The following FBXO38 variants were observed in gnomAD, a reference collection of about 807,000 sequenced individuals.
FBXO38 encodes the protein F-box protein 38.
A neutral mutation model predicts 131.9 loss-of-function variants in FBXO38; 53 were observed. The observed-to-expected ratio is 0.40, with a 90% CI of 0.32 to 0.51. FBXO38 has a LOEUF of 0.51. Among genes scored for constraint, FBXO38 ranks in the 20% least tolerant of loss-of-function variants. The pLI, the probability that FBXO38 is intolerant of heterozygous loss-of-function variation, is 0.53. For synonymous variants in FBXO38, 452 were observed against 505.6 expected (o/e 0.89, Z 1.42); for missense variants, 1,076 against 1,475.6 (o/e 0.73, Z 4.44).
chr5:148,414,447 A>G, intron 10 of FBXO38, 141 bp downstream of exon 10: 2 of 746,630 alleles, frequency 2.7e-6, no homozygotes, highest in South Asian at 4.3e-5. Flanking sequence ...AGTTCTGGTA[A>G]CCTTTGATAA....
intron 7 of FBXO38, among the ~76,000 whole-genome samples, chr5:148,406,657 A>G (rs1393073719): frequency 2.0e-5 from 3 of 152,112 alleles, no homozygotes; most frequent in African/African-American, 7.2e-5. Context: ...GTAGCTAATA[A>G]TACCTCCTCT....
At chr5:148,414,603 G>T (rs1458340537) in intron 10 of FBXO38, among the ~76,000 whole-genome samples, 1 of 152,056 alleles carries the variant, frequency 6.6e-6, no homozygotes, top group African/African-American at 2.4e-5. Context: ...TTAGTTCATT[G>T]TTACCTAGGA....
At chr5:148,405,403 C>A (rs1169671344) in intron 6 of FBXO38, among the ~76,000 whole-genome samples, 2 of 151,970 alleles carry the variant, frequency 1.3e-5, no homozygotes, top group African/African-American at 4.8e-5. Context: ...TTTCCTCTTC[C>A]AATGTGGCCC....
rs1396830356 is a variant in FBXO38, at chr5:148,427,833, A to G, written c.2539A>G (p.Arg847Gly). The change falls in exon 15 of 22, where the codon AGG becomes GGG. Residue 847 changes from arginine to glycine, a missense_variant. Transcript: ENST00000340253. Reference sequence around the variant, plus strand: ...CTCTGGGGCTACAGGTGAGGACAGGAGGGGGAGCTCCCAGCCTGAGAGTTG... The same window carrying G: ...CTCTGGGGCTACAGGTGAGGACAGGGGGGGGAGCTCCCAGCCTGAGAGTTG... ...SGSGATGEDR[R>G]GSSQPESCDV... 6.2e-7 allele frequency: 1 copy of G among 1,603,464 alleles called. No homozygotes were observed.
At chr5:148,420,190 A>C (rs1297497050) in intron 12 of FBXO38, among the ~76,000 whole-genome samples, 1 of 150,216 alleles carries the variant, frequency 6.7e-6, no homozygotes, top group Admixed American at 6.7e-5. Context: ...TGGCATGATC[A>C]TAGCTCACTG....
Position 148,433,405 on chromosome 5 carries a change from T to TC in FBXO38, c.2654-19_2654-18insC, listed in dbSNP as rs1348325085. On this transcript the variant is annotated intron_variant, in intron 15 of 21. Transcript: ENST00000340253. ...AGCAAGGCTAAAATTTGGATTTTCTTTTTTTTTGCCTTTTTTAGAAGTAGC... is the reference window on the plus strand; with the variant it reads ...AGCAAGGCTAAAATTTGGATTTTCTTCTTTTTTTGCCTTTTTTAGAAGTAGC... 6.5e-5 allele frequency: 103 copies of TC among 1,592,844 alleles called. No individual in the cohort carries two copies. The highest frequency in any genetic ancestry group is 8.7e-5 in the Non-Finnish European group (102 of 1,165,720).
intron 14 of FBXO38, among the ~76,000 whole-genome samples, chr5:148,426,351 A>C (rs1223192564): frequency 6.6e-6 from 1 of 152,178 alleles, no homozygotes; most frequent in Non-Finnish European, 1.5e-5. Context: ...ATATTTTTGA[A>C]TGTTCAAAAC....
chr5:148,397,285 G>GTC (rs1269045248), intron 2 of FBXO38, among the ~76,000 whole-genome samples: 1 of 152,026 alleles, frequency 6.6e-6, no homozygotes, highest in African/African-American at 2.4e-5. Flanking sequence ...CTGAACTCTA[G>GTC]TCCTTTGACT....
At chr5:148,430,523 G>A (rs1753984744) in intron 15 of FBXO38, 1 of 151,178 alleles carries the variant, frequency 6.6e-6, no homozygotes, top group Non-Finnish European at 1.5e-5. Flanking sequence ...TAGAGACAGG[G>A]TTTCACCATG....
In FBXO38 at chr5:148,417,192, T is replaced by G. The variant is rs1392223941; in HGVS notation, c.1606T>G (p.Phe536Val). The G allele has an allele frequency of 6.2e-7, 1 of 1,609,530 alleles. No individual in the cohort carries two copies. The highest frequency in any genetic ancestry group is 8.5e-7 in the Non-Finnish European group (1 of 1,175,892). ...RQDLQPGEQQ[F>V]AADALNEMED... ...AGATCTGCAGCCAGGAGAGCAGCAGTTTGCAGCTGACGGTAACCCAGATCT... is the reference window on the plus strand; with the variant it reads ...AGATCTGCAGCCAGGAGAGCAGCAGGTTGCAGCTGACGGTAACCCAGATCT... Residue 536 changes from phenylalanine (F) to valine (V), a missense_variant, in exon 12 of 22, where the codon TTT becomes GTT. By Grantham distance (50) the Phe-to-Val change is conservative. This residue lies in a region of FBXO38 where 212 missense variants were observed against 221.2 expected (regional missense o/e 0.96). Coordinates refer to ENST00000340253, the MANE Select transcript of FBXO38 (RefSeq NM_205836.3).
chr5:148,427,356 G>A lies in FBXO38; in HGVS notation c.2062G>A (p.Ala688Thr), dbSNP rs913559304. The A allele has an allele frequency of 6.2e-7, 1 of 1,614,026 alleles. No individual in the cohort carries two copies. The highest frequency in any genetic ancestry group is 1.3e-5 in the African/African-American group (1 of 74,894). Residue 688 changes from alanine (A) to threonine (T), a missense_variant, in exon 15 of 22, where the codon GCT becomes ACT. Around this residue, in one of 8 missense-constraint regions of FBXO38, gnomAD observed 213 missense variants for 225.2 expected, o/e 0.95. Coordinates refer to ENST00000340253, the MANE Select transcript of FBXO38 (RefSeq NM_205836.3). ...GCAGATCAAAGCCGATATGAAAGCAGCTAGGGATATTCCTGAAAAGAAAAA... is the reference window on the plus strand; with the variant it reads ...GCAGATCAAAGCCGATATGAAAGCAACTAGGGATATTCCTGAAAAGAAAAA... ...SEQIKADMKAARDIPEKKKNK... is the reference protein window; with the variant it reads ...SEQIKADMKATRDIPEKKKNK...
intron 6 of FBXO38, 110 bp from the exon 7 acceptor site, chr5:148,406,147 G>GT: frequency 9.6e-7 from 1 of 1,039,156 alleles, no homozygotes; most frequent in Non-Finnish European, 1.4e-6. Context: ...AGCCAATTTG[G>GT]CTGTCATTTT....
intron 3 of FBXO38, among the ~76,000 whole-genome samples, chr5:148,401,759 G>C (rs576681926): frequency 6.6e-6 from 1 of 152,218 alleles, no homozygotes; most frequent in South Asian, 2.1e-4. Context: ...AATAATAAAA[G>C]CCTCCTCCAT....
At chr5:148,398,592 C>A (rs546271925) in intron 2 of FBXO38, among the ~76,000 whole-genome samples, 2 of 151,868 alleles carry the variant, frequency 1.3e-5, no homozygotes, top group Non-Finnish European at 2.9e-5. Context: ...GTAAAAGATA[C>A]GAAATAATAT....
At position 148,440,455 on chromosome 5, in the gene FBXO38, G is replaced by A; in HGVS notation, c.3202G>A (p.Ala1068Thr). 1 of 1,612,636 alleles carries A rather than the reference G, an allele frequency of 6.2e-7. No individual in the cohort carries two copies. Among genetic ancestry groups the A allele is most frequent in the Non-Finnish European group, 8.5e-7 (1 of 1,178,822 alleles). ...ELIKYEFFPEATRSEEDLKKY... is the reference protein window; with the variant it reads ...ELIKYEFFPETTRSEEDLKKY... ...CATTAAATATGAATTCTTCCCTGAA[G>A]CCACTCGAAGTGAAGAAGACTTAAA... The change falls in exon 20 of 22, where the codon GCC (alanine) becomes ACC (threonine). Residue 1068 changes from alanine (A) to threonine (T), a missense_variant. Coordinates refer to ENST00000340253, the MANE Select transcript of FBXO38 (RefSeq NM_205836.3).
chr5:148,439,539 C>A, intron 18 of FBXO38, 108 bp from the exon 19 acceptor site: 1 of 1,027,176 alleles, frequency 9.7e-7, no homozygotes, highest in African/African-American at 1.6e-5. Context: ...TCAAATCAGC[C>A]AGAGATTTCA....
Position 148,415,987 on chromosome 5 carries a change from C to T in FBXO38, c.1324C>T (p.Leu442=), listed in dbSNP as rs1046126306. ...INLVRCHALK[L]DSFGQFIELL... is the part of the protein sequence containing the mutation. Reference sequence around the variant, plus strand: ...CCTAGTACGGTGCCATGCTTTGAAGCTGGACTCTTTTGGCCAGTTTATTGA... The same window carrying T: ...CCTAGTACGGTGCCATGCTTTGAAGTTGGACTCTTTTGGCCAGTTTATTGA... Residue 442 remains leucine (L), a synonymous_variant, in exon 11 of 22, where the codon CTG becomes TTG. Transcript: ENST00000340253. The T allele has an allele frequency of 5.0e-6, 8 of 1,613,408 alleles. No homozygotes were observed. Among genetic ancestry groups the T allele is most frequent in the Non-Finnish European group, 8.5e-7 (1 of 1,179,620 alleles).
At chr5:148,392,540 TAAG>T in intron 1 of FBXO38, among the ~76,000 whole-genome samples, 1 of 151,488 alleles carries the variant, frequency 6.6e-6, no homozygotes, top group African/African-American at 2.4e-5. Context: ...TCAGGAGAGG[TAAG>T]AAGTAGAGTT....
intron 3 of FBXO38, among the ~76,000 whole-genome samples, 172 bp from the exon 4 acceptor site, chr5:148,401,810 C>T (rs1187690048): frequency 6.6e-6 from 1 of 152,174 alleles, no homozygotes; most frequent in Non-Finnish European, 1.5e-5. Flanking sequence ...TGACTCATTT[C>T]CTCTGTTACT....
Sources: allele counts gnomAD v4.1 joint callset (sites outside exome capture counted in the v4.1 genomes callset), GRCh38; gene constraint gnomAD v4.1.1; regional missense constraint gnomAD v4.1.1; transcripts MANE v1.5; gene names NCBI Gene and HGNC (gene_info 2026-07-23, HGNC 2026-07-21).